The following COL27A1 variants were observed in gnomAD, a reference collection of about 807,000 sequenced individuals.
COL27A1 encodes collagen type XXVII alpha 1 chain, also known as collagen alpha-1(XXVII) chain.
In COL27A1, 106 loss-of-function variants were observed where a neutral mutation model predicts 251.3. The ratio of observed to expected loss-of-function variants is 0.42; its 90% CI spans 0.36 to 0.50. The LOEUF is 0.50. COL27A1 is among the 20% of genes least tolerant of loss of function. The pLI, the probability that COL27A1 is intolerant of heterozygous loss-of-function variation, is 0.00. For missense variants in COL27A1, 2,325 were observed against 2,522.8 expected, an observed-to-expected ratio of 0.92 and a Z score of 1.68; for synonymous variants, 1,000 against 986.3, an observed-to-expected ratio of 1.01 and a Z score of -0.26.
intron 5 of COL27A1, among the ~76,000 whole-genome samples, chr9:114,191,848 C>T (rs751977424): frequency 1.3e-5 from 2 of 152,140 alleles, no homozygotes; most frequent in South Asian, 2.1e-4. Flanking sequence ...GGATAGTGAT[C>T]GTTGCCAACT....
intron 1 of COL27A1, among the ~76,000 whole-genome samples, 197 bp downstream of exon 1, chr9:114,156,209 G>A (rs1179348538): frequency 7.0e-6 from 1 of 143,598 alleles, no homozygotes; most frequent in African/African-American, 2.5e-5. Flanking sequence ...AACGCTGCCC[G>A]CCCTGCCGCG....
intron 20 of COL27A1, 26 bp from the exon 21 acceptor site, chr9:114,240,408 C>G (rs2135475069): frequency 6.2e-7 from 1 of 1,612,640 alleles, no homozygotes; most frequent in East Asian, 2.2e-5. Flanking sequence ...GCCTCTGAGA[C>G]TCCCTTTTTG....
chr9:114,275,513 C>G lies in COL27A1; in HGVS notation c.3610-148C>G, dbSNP rs887348040. The stretch of plus-strand genomic sequence containing the variant: ...TTGGCAGCCGAGTCACAGCACCCTG[C>G]CTTTTTGGCTGCAGAGGGAACTATC... On this transcript the variant is annotated intron_variant, in intron 36 of 60. Coordinates refer to ENST00000356083, the MANE Select transcript of COL27A1 (RefSeq NM_032888.4). The G allele has an allele frequency of 4.1e-5, 24 of 580,712 alleles. No homozygotes were observed. In the African/African-American group the frequency reaches 4.5e-4, roughly 11 times the overall value. The allele number at this position is 580,712 out of a possible 1,614,324, so 36.0% of individuals were successfully genotyped here.
intron 14 of COL27A1, among the ~76,000 whole-genome samples, chr9:114,223,027 C>A (rs1362930589): frequency 6.6e-6 from 1 of 152,112 alleles, no homozygotes; most frequent in Non-Finnish European, 1.5e-5. Flanking sequence ...AGGTGGGAGG[C>A]GATCTGACCT....
At chr9:114,277,199 G>A (rs1396826193) in intron 37 of COL27A1, among the ~76,000 whole-genome samples, 3 of 152,118 alleles carry the variant, frequency 2.0e-5, no homozygotes, top group Non-Finnish European at 4.4e-5. Flanking sequence ...CAGTTGAGCA[G>A]GGTTTGTGTG....
At chr9:114,227,690 G>A (rs1174752546) in intron 14 of COL27A1, among the ~76,000 whole-genome samples, 2 of 152,306 alleles carry the variant, frequency 1.3e-5, no homozygotes, top group East Asian at 1.9e-4. Flanking sequence ...AGACAGGACC[G>A]ATTGTGTTCT....
At chr9:114,164,775 A>T (rs1308902372) in intron 2 of COL27A1, among the ~76,000 whole-genome samples, 1 of 152,232 alleles carries the variant, frequency 6.6e-6, no homozygotes, top group African/African-American at 2.4e-5. Context: ...AACATATACC[A>T]CTAAGAGAAT....
At position 114,311,167 on chromosome 9, in the gene COL27A1, A is replaced by G. The variant is rs1438528156; in HGVS notation, c.*472A>G. The G allele has an allele frequency of 1.3e-5, 2 of 152,410 alleles. No homozygotes were observed. The highest frequency in any genetic ancestry group is 2.9e-5 in the Non-Finnish European group (2 of 68,214). 9.4% of individuals were successfully genotyped at this position (152,410 alleles called of 1,614,324 possible). A position where few individuals can be genotyped will look rare whatever the true frequency, so the allele number is the denominator to read the frequency against. On this transcript the variant is annotated 3_prime_UTR_variant, in exon 61 of 61. Transcript: ENST00000356083. The stretch of plus-strand genomic sequence containing the variant: ...TATATATATTATTTAAACAAACAAA[A>G]AGAAGGTGCGTTACTATTTTTTTTT...
At chr9:114,158,663 T>G (rs1564405439) in intron 1 of COL27A1, among the ~76,000 whole-genome samples, 1 of 152,172 alleles carries the variant, frequency 6.6e-6, no homozygotes, top group Non-Finnish European at 1.5e-5. Context: ...TAACCATGAT[T>G]AGCAGTAGCC....
At chr9:114,170,237 C>T (rs1446042366) in intron 3 of COL27A1, among the ~76,000 whole-genome samples, 1 of 152,266 alleles carries the variant, frequency 6.6e-6, no homozygotes, top group East Asian at 1.9e-4. Flanking sequence ...AGAAGGTCAG[C>T]GTGGGCCAGA....
At chr9:114,206,160 G>A (rs1353514058) in intron 9 of COL27A1, 92 bp from the exon 10 acceptor site, 2 of 1,238,770 alleles carry the variant, frequency 1.6e-6, no homozygotes, top group Admixed American at 1.8e-5. Flanking sequence ...AAAGAGAGCA[G>A]CAGAGGCCCC....
At chr9:114,283,219 A>G (rs1025631027) in intron 39 of COL27A1, among the ~76,000 whole-genome samples, 3 of 152,160 alleles carry the variant, frequency 2.0e-5, no homozygotes, top group African/African-American at 7.2e-5. Context: ...GACGTCACTG[A>G]ATGCAGAGTG....
intron 12 of COL27A1, among the ~76,000 whole-genome samples, chr9:114,219,535 A>G (rs1164580054): frequency 6.6e-6 from 1 of 152,104 alleles, no homozygotes; most frequent in Non-Finnish European, 1.5e-5. Flanking sequence ...GGGGATTGGC[A>G]TTTTCATGCT....
chr9:114,209,359 A>C (rs959763806), intron 10 of COL27A1: 59 of 640,620 alleles, frequency 9.2e-5, no homozygotes, highest in Non-Finnish European at 1.6e-4. Context: ...CATCTAACCC[A>C]GCCGCGAGCT....
intron 10 of COL27A1, among the ~76,000 whole-genome samples, chr9:114,209,172 G>A (rs1263661932): frequency 6.6e-6 from 1 of 152,200 alleles, no homozygotes; most frequent in Non-Finnish European, 1.5e-5. Context: ...GCATGTGCCT[G>A]GCACAATGTT....
chr9:114,215,908 G>A (rs935890005), intron 12 of COL27A1, among the ~76,000 whole-genome samples: 2 of 152,172 alleles, frequency 1.3e-5, no homozygotes, highest in African/African-American at 4.8e-5. Flanking sequence ...GCAGGCCAGG[G>A]ACCTGAGCCT....
intron 5 of COL27A1, among the ~76,000 whole-genome samples, chr9:114,191,040 C>T (rs368210144): frequency 5.9e-5 from 9 of 152,146 alleles, no homozygotes; most frequent in East Asian, 3.9e-4. Context: ...TCCCTTAAGC[C>T]GCCACTTCAT....
intron 24 of COL27A1, among the ~76,000 whole-genome samples, chr9:114,248,669 T>C (rs1186462900): frequency 3.9e-5 from 6 of 152,172 alleles, no homozygotes; most frequent in Admixed American, 3.9e-4. Context: ...TCTGGGACAG[T>C]ACCCCGGGGG....
intron 3 of COL27A1, among the ~76,000 whole-genome samples, chr9:114,169,763 C>T (rs1849179556): frequency 6.6e-6 from 1 of 152,216 alleles, no homozygotes; most frequent in Admixed American, 6.5e-5. Context: ...TTTGCTAACC[C>T]AGCTGCAAAG....
Sources: allele counts gnomAD v4.1 joint callset (sites outside exome capture counted in the v4.1 genomes callset), GRCh38; gene constraint gnomAD v4.1.1; transcripts MANE v1.5; gene names NCBI Gene and HGNC (gene_info 2026-07-23, HGNC 2026-07-21).